Variants in RGMA observed in about 807,000 individuals in gnomAD.
RGMA encodes repulsive guidance molecule A.
In RGMA, 10 loss-of-function variants were observed where a neutral mutation model predicts 23.2. The ratio of observed to expected loss-of-function variants is 0.43; its 90% confidence interval spans 0.27 to 0.73. RGMA has a LOEUF of 0.73. RGMA is among the 30% of genes least tolerant of loss of function. The probability of loss-of-function intolerance (pLI) is 0.20; values close to 1 mark genes in which losing one functional copy is unlikely to be tolerated. For missense variants in RGMA, 547 were observed against 630.5 expected (o/e 0.87, Z 1.42); for synonymous variants, 308 against 279.3 (o/e 1.10, Z -1.03).
intron 1 of RGMA, among the ~76,000 whole-genome samples, chr15:93,081,421 A>G (rs1895557136): frequency 6.6e-6 from 1 of 152,210 alleles, no homozygotes; most frequent in Admixed American, 6.5e-5. Context: ...TTCAGTAATA[A>G]TGCCCAACAA....
intron 2 of RGMA, among the ~76,000 whole-genome samples, chr15:93,068,688 A>G (rs1434162169): frequency 1.3e-5 from 2 of 152,202 alleles, no homozygotes; most frequent in Non-Finnish European, 2.9e-5. Flanking sequence ...ACTGGTTGCT[A>G]GCTGGCTGGT....
At chr15:93,059,269 T>TCTCA (rs1323172741) in intron 2 of RGMA, among the ~76,000 whole-genome samples, 4 of 152,160 alleles carry the variant, frequency 2.6e-5, no homozygotes, top group Admixed American at 1.3e-4. Context: ...ACCCATCTGG[T>TCTCA]CTCAGGGCAG....
chr15:93,037,183 G>C lies in RGMA; in HGVS notation c.*7815C>G, dbSNP rs1375054516. The C allele has an allele frequency of 6.6e-6, 1 of 152,282 alleles. No homozygotes were observed. The highest frequency in any genetic ancestry group is 1.5e-5 in the Non-Finnish European group (1 of 68,066). The allele number at this position is 152,282 out of a possible 1,614,324, so 9.4% of individuals were successfully genotyped here. A position where few individuals can be genotyped will look rare whatever the true frequency, so the allele number is the denominator to read the frequency against. ...CTGCATGCATTACATTTCATCTTCA[G>C]GACCGCCACGTGAGGGAGGTGGCGT... On this transcript the variant is annotated 3_prime_UTR_variant, in exon 4 of 4. Coordinates refer to ENST00000329082, the MANE Select transcript of RGMA (RefSeq NM_020211.3). This position sits in a 1 kb window ranked among gnomAD's most constrained non-coding sequence, Gnocchi z 4.3.
At position 93,089,032 on chromosome 15, in the gene RGMA, T is replaced by C; in HGVS notation, c.-100A>G. On this transcript the variant is annotated 5_prime_UTR_variant, in exon 1 of 4. Transcript: ENST00000329082. ...TGCCCCGGGGCAAGGTGGGAGGGGC[T>C]CCGCTGGCGCTGGTCCCCGCCGCCC... The C allele has an allele frequency of 1.5e-6, 1 of 689,392 alleles. No individual in the cohort carries two copies. The highest frequency in any genetic ancestry group is 2.1e-6 in the Non-Finnish European group (1 of 474,846). The allele number at this position is 689,392 out of a possible 1,614,324, so 42.7% of individuals were successfully genotyped here. A position where few individuals can be genotyped will look rare whatever the true frequency, so the allele number is the denominator to read the frequency against.
intron 1 of RGMA, 86 bp downstream of exon 1, chr15:93,088,833 C>G (rs1596111281): frequency 3.1e-6 from 4 of 1,286,540 alleles, no homozygotes; most frequent in Non-Finnish European, 1.1e-6. Context: ...TAAGGAAGAC[C>G]AAAGCAGCGC....
chr15:93,056,852 C>T (rs1237389602), intron 2 of RGMA, among the ~76,000 whole-genome samples: 1 of 152,166 alleles, frequency 6.6e-6, no homozygotes, highest in Non-Finnish European at 1.5e-5. Flanking sequence ...ATGTACATGG[C>T]GTGCCTGGAG....
intron 1 of RGMA, chr15:93,088,430 G>A: frequency 3.0e-6 from 3 of 985,818 alleles, no homozygotes; most frequent in Non-Finnish European, 3.6e-6. Flanking sequence ...GAGGCAAAGG[G>A]CCGCCGGGAC....
At chr15:93,065,049 C>T (rs979005595) in intron 2 of RGMA, among the ~76,000 whole-genome samples, 14 of 151,180 alleles carry the variant, frequency 9.3e-5, no homozygotes, top group Non-Finnish European at 4.4e-5. Flanking sequence ...GGGATCTCGG[C>T]TCACTGCAAC....
At chr15:93,073,178 C>A in intron 1 of RGMA, 147 bp from the exon 2 acceptor site, 1 of 1,236,698 alleles carries the variant, frequency 8.1e-7, no homozygotes, top group Non-Finnish European at 1.0e-6. Flanking sequence ...CGCGCCGCCC[C>A]CCGCGCGCCC....
chr15:93,047,762 G>C (rs182924535), intron 3 of RGMA, among the ~76,000 whole-genome samples: 1 of 152,210 alleles, frequency 6.6e-6, no homozygotes, highest in South Asian at 2.1e-4. Flanking sequence ...ACTGCCTGCC[G>C]GCTCTCTGGG....
intron 2 of RGMA, among the ~76,000 whole-genome samples, chr15:93,054,411 G>A (rs1037484216): frequency 1.3e-5 from 2 of 152,062 alleles, no homozygotes; most frequent in Admixed American, 6.5e-5. Flanking sequence ...TAATCTCCAC[G>A]TGTCAAGGGT....
At chr15:93,069,474 T>C (rs1895257087) in intron 2 of RGMA, among the ~76,000 whole-genome samples, 1 of 152,224 alleles carries the variant, frequency 6.6e-6, no homozygotes, top group Non-Finnish European at 1.5e-5. Flanking sequence ...CAGATGTACC[T>C]GGACACTGCA....
intron 1 of RGMA, 177 bp from the exon 2 acceptor site, chr15:93,073,208 T>G: frequency 8.6e-7 from 1 of 1,168,078 alleles, no homozygotes; most frequent in Non-Finnish European, 1.1e-6. Flanking sequence ...CATCCATCAC[T>G]CGGTTCTCCG....
intron 2 of RGMA, among the ~76,000 whole-genome samples, chr15:93,061,041 T>C (rs1448984557): frequency 6.6e-6 from 1 of 152,236 alleles, no homozygotes; most frequent in African/African-American, 2.4e-5. Context: ...ACAGCTGATA[T>C]TCCTCTAGGA....
In RGMA at chr15:93,044,910, C is replaced by T. The variant is rs1429846576; in HGVS notation, c.*88G>A. On this transcript the variant is annotated 3_prime_UTR_variant, in exon 4 of 4. Coordinates refer to ENST00000329082, the MANE Select transcript of RGMA (RefSeq NM_020211.3). ...TTCTGCGGGGCCATGGTGGACACGC[C>T]AGGAGATCTGCACCCCGTGGGCGGT... 1.7e-6 allele frequency: 2 copies of T among 1,149,348 alleles called. No homozygotes were observed. The highest frequency in any genetic ancestry group is 1.2e-6 in the Non-Finnish European group (1 of 817,386). The allele number at this position is 1,149,348 out of a possible 1,614,324, so 71.2% of individuals were successfully genotyped here.
At chr15:93,048,908 G>C (rs79126078) in intron 3 of RGMA, among the ~76,000 whole-genome samples, 74 of 5,990 alleles carry the variant, frequency 0.012, 1 homozygote, top group East Asian at 0.038. Flanking sequence ...TGGGGGTGGG[G>C]GGGGGCGGCG....
At chr15:93,083,124 G>C (rs1264423981) in intron 1 of RGMA, among the ~76,000 whole-genome samples, 1 of 152,250 alleles carries the variant, frequency 6.6e-6, no homozygotes, top group East Asian at 1.9e-4. Flanking sequence ...CCTGCCAACA[G>C]CATCCATTTA....
chr15:93,057,743 T>C (rs898503186), intron 2 of RGMA, among the ~76,000 whole-genome samples: 1 of 152,114 alleles, frequency 6.6e-6, no homozygotes, highest in East Asian at 1.9e-4. Context: ...AAGGACCAGA[T>C]TGACTTAACT....
In RGMA at chr15:93,065,196, C is replaced by T. The variant is rs150356978; in HGVS notation, c.130+7720G>A. On this transcript the variant is annotated intron_variant, in intron 2 of 3. Coordinates refer to ENST00000329082, the MANE Select transcript of RGMA (RefSeq NM_020211.3). ...ACAGGAAAGCCTGTTTTTGTTTTCA[C>T]TGGAGGTTCAGGTGGCACATGACAG... Among the ~76,000 whole-genome samples the T allele has an allele frequency of 3.6e-3, 543 of 151,938 alleles. 4 individuals are homozygous for T. Among genetic ancestry groups the T allele is most frequent in the African/African-American group, 0.012 (502 of 41,458 alleles).
Sources: allele counts gnomAD v4.1 joint callset (sites outside exome capture counted in the v4.1 genomes callset), GRCh38; gene constraint gnomAD v4.1.1; non-coding constraint Gnocchi (gnomAD v3.1); transcripts MANE v1.5; gene names NCBI Gene and HGNC (gene_info 2026-07-23, HGNC 2026-07-21).